The following NRG1 variants were observed in gnomAD, a reference collection of about 807,000 sequenced individuals.
The protein encoded by NRG1 is pro-neuregulin-1, membrane-bound isoform.
Under a neutral mutation model 63.8 loss-of-function variants are expected in NRG1, and 18 were observed. The ratio of observed to expected loss-of-function variants is 0.28; its 90% CI spans 0.19 to 0.42. The LOEUF (loss-of-function observed/expected upper bound fraction) is 0.42, where lower values mean the gene tolerates loss of function less well. Among genes scored for constraint, NRG1 ranks in the 10% least tolerant of loss-of-function variants. The pLI is 1.00. For missense variants in NRG1, 762 were observed against 814.7 expected (o/e 0.94, Z 0.79); for synonymous variants, 302 against 301.3 (o/e 1.00, Z -0.02).
chr8:32,135,667 T>A (rs1741437338), intron 1 of NRG1, among the ~76,000 whole-genome samples: 1 of 152,098 alleles, frequency 6.6e-6, no homozygotes, highest in Non-Finnish European at 1.5e-5. Context: ...TTTTGAGATA[T>A]CTTCTGAGTA....
intron 1 of NRG1, among the ~76,000 whole-genome samples, chr8:31,799,682 T>C (rs1821566829): frequency 6.6e-6 from 1 of 152,128 alleles, no homozygotes; most frequent in South Asian, 2.1e-4. Context: ...GAGATATATC[T>C]ATTAGCCATT....
chr8:31,655,801 G>A (rs1805378929), intron 1 of NRG1, among the ~76,000 whole-genome samples: 1 of 152,210 alleles, frequency 6.6e-6, no homozygotes, highest in Non-Finnish European at 1.5e-5. Flanking sequence ...GAAGTGAAGA[G>A]AAGTGAAAGA....
At chr8:32,221,620 A>G (rs1183059521) in intron 1 of NRG1, among the ~76,000 whole-genome samples, 1 of 152,210 alleles carries the variant, frequency 6.6e-6, no homozygotes, top group Non-Finnish European at 1.5e-5. Flanking sequence ...TAGTAAATTC[A>G]TAGGGAATGA....
At chr8:31,747,607 C>T (rs1282925224) in intron 1 of NRG1, among the ~76,000 whole-genome samples, 5 of 151,904 alleles carry the variant, frequency 3.3e-5, no homozygotes, top group East Asian at 1.9e-4. Flanking sequence ...GCCCTTCTGC[C>T]GGAGGGAGAT....
chr8:31,920,751 G>A (rs1169784473), intron 1 of NRG1, among the ~76,000 whole-genome samples: 1 of 152,066 alleles, frequency 6.6e-6, no homozygotes. Context: ...GGGTTGTTGT[G>A]AGGATACTCT....
At chr8:31,867,365 C>T (rs773388228) in intron 1 of NRG1, among the ~76,000 whole-genome samples, 1 of 152,138 alleles carries the variant, frequency 6.6e-6, no homozygotes, top group Non-Finnish European at 1.5e-5. Flanking sequence ...TTTTGCCTAA[C>T]AAGTAACTCC....
chr8:32,411,026 C>T (rs1043310979), intron 1 of NRG1, among the ~76,000 whole-genome samples: 1 of 152,026 alleles, frequency 6.6e-6, no homozygotes, highest in African/African-American at 2.4e-5. Flanking sequence ...CAGGCACGCA[C>T]CACCATGCCC....
At chr8:32,749,856 GCTTAACCCACTGATTGGATCTAGCT>G (rs1320590218) in intron 7 of NRG1, 6 of 490,416 alleles carry the variant, frequency 1.2e-5, no homozygotes, top group African/African-American at 4.0e-5. Flanking sequence ...ATCCCACGCT[GCTTAACCCACTGATTGGATCTAGCT>G]CTGCTGTTAT....
intron 1 of NRG1, among the ~76,000 whole-genome samples, chr8:32,473,773 TC>T (rs1824137837): frequency 6.6e-6 from 1 of 152,158 alleles, no homozygotes; most frequent in African/African-American, 2.4e-5. Context: ...AGCCTCAAAC[TC>T]CTGGGCTCCA....
At chr8:31,894,924 G>GA (rs564900833) in intron 1 of NRG1, among the ~76,000 whole-genome samples, 32 of 150,214 alleles carry the variant, frequency 2.1e-4, no homozygotes, top group Middle Eastern at 3.4e-3. Flanking sequence ...TTGCAATCAG[G>GA]AAAAAAAAAG....
intron 1 of NRG1, among the ~76,000 whole-genome samples, chr8:32,288,215 C>A (rs1853771401): frequency 6.6e-6 from 1 of 151,996 alleles, no homozygotes; most frequent in Admixed American, 6.6e-5. Context: ...TAGAGAAAAT[C>A]ATTACTACTA....
rs141946929 is a variant in NRG1, at chr8:32,674,646, C to T, written c.503-53303C>T. Among the ~76,000 whole-genome samples, 450 of 152,278 alleles carry T rather than the reference C, an allele frequency of 3.0e-3. 1 individual carries two copies. The highest frequency in any genetic ancestry group is 0.014 in the Middle Eastern group (4 of 294). ...AAAAGACTTAGGCAAAATATCCGAA[C>T]GGAATGCTGAATGCATGGCTTTTCA... On this transcript the variant is annotated intron_variant, in intron 5 of 11. Transcript: ENST00000356819.
At chr8:31,740,992 G>A (rs1247811922) in intron 1 of NRG1, among the ~76,000 whole-genome samples, 1 of 152,000 alleles carries the variant, frequency 6.6e-6, no homozygotes, top group Non-Finnish European at 1.5e-5. Flanking sequence ...CAGTAGACTG[G>A]ATAAAGAAAA....
At chr8:32,506,134 C>T (rs1468211232) in intron 1 of NRG1, among the ~76,000 whole-genome samples, 6 of 152,108 alleles carry the variant, frequency 3.9e-5, no homozygotes, top group Non-Finnish European at 7.4e-5. Context: ...TCTGTAGTCT[C>T]AGCTACATGA....
chr8:31,905,865 T>C (rs945645082), intron 1 of NRG1, among the ~76,000 whole-genome samples: 4 of 152,230 alleles, frequency 2.6e-5, no homozygotes, highest in Non-Finnish European at 5.9e-5. Flanking sequence ...AATTGATGGT[T>C]ATTAGTAGTA....
intron 1 of NRG1, among the ~76,000 whole-genome samples, chr8:31,994,653 CAAAAAAAAAAAA>C (rs59019886): frequency 3.2e-5 from 2 of 62,334 alleles, no homozygotes. Context: ...TACTCTGTCT[CAAAAAAAAAAAA>C]AAAAAAAAAA....
intron 1 of NRG1, among the ~76,000 whole-genome samples, chr8:31,722,410 C>G (rs1009710044): frequency 6.6e-6 from 1 of 152,060 alleles, no homozygotes; most frequent in South Asian, 2.1e-4. Flanking sequence ...TCCTTCCTGT[C>G]ATCTTACTAG....
At chr8:32,077,910 G>C (rs1369094293) in intron 1 of NRG1, among the ~76,000 whole-genome samples, 1 of 152,038 alleles carries the variant, frequency 6.6e-6, no homozygotes, top group African/African-American at 2.4e-5. Flanking sequence ...GAATTCCCTT[G>C]GGCTCTCCAT....
At chr8:32,305,046 T>C (rs957363497) in intron 1 of NRG1, among the ~76,000 whole-genome samples, 2 of 151,976 alleles carry the variant, frequency 1.3e-5, no homozygotes, top group Non-Finnish European at 2.9e-5. Context: ...AATAAAAATT[T>C]AAATATTATT....
Sources: gnomAD v4.1 joint callset for allele counts (sites outside exome capture counted in the v4.1 genomes callset) on GRCh38, gnomAD v4.1.1 for gene constraint, MANE v1.5 for transcripts, NCBI Gene and HGNC (gene_info 2026-07-23, HGNC 2026-07-21) for gene names.